The following LRRTM4 variants were observed in gnomAD, a reference collection of about 807,000 sequenced individuals.
LRRTM4 encodes the protein leucine rich repeat transmembrane neuronal 4.
A neutral mutation model predicts 47.6 loss-of-function variants in LRRTM4; 25 were observed. The observed-to-expected ratio is 0.53, with a 90% CI of 0.38 to 0.73. The LOEUF (loss-of-function observed/expected upper bound fraction) is 0.73. Among genes scored for constraint, LRRTM4 ranks in the 30% least tolerant of loss-of-function variants. The pLI is 0.00. For synonymous variants in LRRTM4, 311 were observed against 269.5 expected (o/e 1.15, Z -1.51); for missense variants, 638 against 713.4 (o/e 0.89, Z 1.20).
At chr2:77,415,657 A>AT (rs906234214) in intron 3 of LRRTM4, among the ~76,000 whole-genome samples, 2 of 151,914 alleles carry the variant, frequency 1.3e-5, no homozygotes, top group African/African-American at 2.4e-5. Context: ...TAGAAGTACT[A>AT]TTTTTTTCCA....
At chr2:77,285,723 CAAAG>C (rs1224223740) in intron 3 of LRRTM4, among the ~76,000 whole-genome samples, 1 of 151,182 alleles carries the variant, frequency 6.6e-6, no homozygotes, top group African/African-American at 2.4e-5. Flanking sequence ...GCCTGGGTGA[CAAAG>C]GAAGACTCCA....
intron 3 of LRRTM4, among the ~76,000 whole-genome samples, chr2:77,264,745 T>A (rs1438327236): frequency 6.6e-6 from 1 of 152,080 alleles, no homozygotes; most frequent in Admixed American, 6.6e-5. Context: ...AAACCAACCC[T>A]AAAATGAGGC....
At chr2:77,260,944 C>A (rs1675903688) in intron 3 of LRRTM4, among the ~76,000 whole-genome samples, 1 of 152,028 alleles carries the variant, frequency 6.6e-6, no homozygotes, top group African/African-American at 2.4e-5. Context: ...AAATAATAGT[C>A]TCCTATATTC....
At chr2:77,009,691 C>T (rs1195100023) in intron 3 of LRRTM4, 2 of 152,088 alleles carry the variant, frequency 1.3e-5, no homozygotes, top group Admixed American at 6.6e-5. Flanking sequence ...CATCTTGATT[C>T]TTAACAGCAG....
At chr2:77,278,980 C>A (rs183255219) in intron 3 of LRRTM4, among the ~76,000 whole-genome samples, 6 of 152,076 alleles carry the variant, frequency 3.9e-5, no homozygotes, top group Admixed American at 3.9e-4. Context: ...AATGATGACT[C>A]TGTAAACTGG....
rs114012494 is a variant in LRRTM4 at position 76,958,475 on chromosome 2, A to G, written c.1552-209559T>C. On this transcript the variant is annotated intron_variant, in intron 3 of 3. Coordinates refer to ENST00000409884, the MANE Select transcript of LRRTM4 (RefSeq NM_001134745.3). ...TGATATTGCTGAATGTTCCAGATAG[A>G]ACCCTTTTAAATTTTTGGTACAGCT... 7.7e-3 allele frequency among the ~76,000 whole-genome samples: 1,171 copies of G among 151,894 alleles called. 16 individuals are homozygous for G. The highest frequency in any genetic ancestry group is 0.027 in the African/African-American group (1,137 of 41,496).
At chr2:77,084,185 A>C (rs1434777327) in intron 3 of LRRTM4, among the ~76,000 whole-genome samples, 1 of 152,150 alleles carries the variant, frequency 6.6e-6, no homozygotes, top group Admixed American at 6.5e-5. Flanking sequence ...AAACTTGCGG[A>C]AACTTTCAAT....
chr2:76,938,680 T>A (rs1015636432), intron 3 of LRRTM4, among the ~76,000 whole-genome samples: 3 of 152,134 alleles, frequency 2.0e-5, no homozygotes, highest in Non-Finnish European at 4.4e-5. Flanking sequence ...ACCAATTGTT[T>A]TTCTCAGGAA....
intron 3 of LRRTM4, among the ~76,000 whole-genome samples, chr2:76,887,852 AT>A (rs1319147401): frequency 1.7e-4 from 25 of 151,302 alleles, no homozygotes; most frequent in African/African-American, 5.8e-4. Flanking sequence ...TGGATGTCAA[AT>A]TGTCAAGACC....
chr2:77,385,458 G>A (rs1331956365), intron 3 of LRRTM4, among the ~76,000 whole-genome samples: 1 of 152,146 alleles, frequency 6.6e-6, no homozygotes, highest in Non-Finnish European at 1.5e-5. Flanking sequence ...TGTTTGTGTA[G>A]TGTGATTCTT....
At chr2:76,794,140 G>A (rs1675128625) in intron 3 of LRRTM4, among the ~76,000 whole-genome samples, 1 of 151,624 alleles carries the variant, frequency 6.6e-6, no homozygotes, top group African/African-American at 2.4e-5. Flanking sequence ...AATGATTGAT[G>A]AGCAGTTCAT....
intron 3 of LRRTM4, among the ~76,000 whole-genome samples, chr2:76,896,158 T>C (rs2103728494): frequency 6.6e-6 from 1 of 151,808 alleles, no homozygotes; most frequent in Middle Eastern, 3.4e-3. Context: ...AATGTAAGTA[T>C]TTAAAGTGTC....
At chr2:77,072,892 G>C (rs11899205) in intron 3 of LRRTM4, among the ~76,000 whole-genome samples, 1 of 151,310 alleles carries the variant, frequency 6.6e-6, no homozygotes, top group African/African-American at 2.4e-5. Context: ...GCGTCTGTCA[G>C]ATTACCATAG....
intron 3 of LRRTM4, among the ~76,000 whole-genome samples, chr2:77,091,586 C>T (rs1307409741): frequency 2.0e-5 from 3 of 146,404 alleles, no homozygotes; most frequent in Non-Finnish European, 4.4e-5. Context: ...TCCTCAATAC[C>T]TGCCTCTACA....
rs557732493 is a variant in LRRTM4, at chr2:77,030,725, C to T, written c.1552-281809G>A. ...AGTCAAATACCACCAGAAAAAAAGA[C>T]GCATTATTTCCTTCCAGTAATATCC... On this transcript the variant is annotated intron_variant, in intron 3 of 3. Transcript: ENST00000409884. 9.5e-4 allele frequency among the ~76,000 whole-genome samples: 144 copies of T among 152,214 alleles called. 1 individual carries two copies. The Middle Eastern group carries it at 0.01, about 11-fold the overall frequency.
intron 3 of LRRTM4, among the ~76,000 whole-genome samples, chr2:76,852,924 C>A (rs1030686235): frequency 3.3e-5 from 5 of 152,030 alleles, no homozygotes; most frequent in Admixed American, 6.6e-5. Context: ...TTCTTTCAGA[C>A]AGGGAAGAAT....
At chr2:77,429,446 A>AGTGT (rs1314733641) in intron 3 of LRRTM4, among the ~76,000 whole-genome samples, 2 of 152,128 alleles carry the variant, frequency 1.3e-5, no homozygotes, top group African/African-American at 2.4e-5. Flanking sequence ...AACAGAATCA[A>AGTGT]CCTAAGTGTC....
chr2:77,107,870 C>G (rs1671141938), intron 3 of LRRTM4, among the ~76,000 whole-genome samples: 1 of 147,614 alleles, frequency 6.8e-6, no homozygotes, highest in African/African-American at 2.5e-5. Context: ...AGATTTAAAG[C>G]TATTCTGTAT....
chr2:77,285,174 T>C (rs1490914612), intron 3 of LRRTM4, among the ~76,000 whole-genome samples: 1 of 151,666 alleles, frequency 6.6e-6, no homozygotes, highest in Non-Finnish European at 1.5e-5. Context: ...TTTCTTGCAA[T>C]AGAAAGCAAC....
Sources: gnomAD v4.1 joint callset for allele counts (sites outside exome capture counted in the v4.1 genomes callset) on GRCh38, gnomAD v4.1.1 for gene constraint, MANE v1.5 for transcripts, NCBI Gene and HGNC (gene_info 2026-07-23, HGNC 2026-07-21) for gene names.